RGS10: variants seen among roughly 807,000 people sequenced by gnomAD.
The protein encoded by RGS10 is regulator of G protein signaling 10, also known as regulator of G-protein signalling 10.
In RGS10, 11 loss-of-function variants were observed where a neutral mutation model predicts 23.5. The ratio of observed to expected loss-of-function variants is 0.47; its 90% CI spans 0.29 to 0.77. The LOEUF (loss-of-function observed/expected upper bound fraction) is 0.77. Among genes scored for constraint, RGS10 ranks in the 30% least tolerant of loss-of-function variants. RGS10 has a pLI of 0.08. For synonymous variants in RGS10, 77 were observed against 83.2 expected (o/e 0.92, Z 0.41); for missense variants, 180 against 226.3 (o/e 0.80, Z 1.31).
At chr10:119,500,326 A>G (rs1393863609) in intron 4 of RGS10, 67 bp from the exon 5 acceptor site, 4 of 1,412,384 alleles carry the variant, frequency 2.8e-6, no homozygotes, top group Middle Eastern at 2.3e-4. Context: ...ATCCCATCAG[A>G]TATGTATTAA....
intron 4 of RGS10, among the ~76,000 whole-genome samples, chr10:119,505,870 A>T (rs1282281669): frequency 6.6e-6 from 1 of 151,976 alleles, no homozygotes; most frequent in African/African-American, 2.4e-5. Context: ...TCTCTTCAAA[A>T]CCCTCTGCCA....
intron 3 of RGS10, among the ~76,000 whole-genome samples, chr10:119,521,732 A>C (rs1168146872): frequency 2.6e-5 from 4 of 152,024 alleles, no homozygotes; most frequent in African/African-American, 9.7e-5. Context: ...AAAAAAAAAA[A>C]AAAACAGAAC....
intron 4 of RGS10, among the ~76,000 whole-genome samples, chr10:119,503,731 G>A (rs756724950): frequency 2.6e-4 from 39 of 152,296 alleles, no homozygotes; most frequent in Non-Finnish European, 5.1e-4. Flanking sequence ...TCCTGAGGCC[G>A]CTGTCCTCGG....
intron 4 of RGS10, among the ~76,000 whole-genome samples, chr10:119,508,975 C>T (rs1452314725): frequency 7.2e-5 from 11 of 151,890 alleles, no homozygotes; most frequent in African/African-American, 2.4e-5. Flanking sequence ...GTGGCACATG[C>T]CTATAGTCCC....
chr10:119,536,372 C>T (rs118119094), intron 1 of RGS10: 13,718 of 1,210,196 alleles, frequency 0.011, 112 homozygotes, highest in Non-Finnish European at 0.015. Flanking sequence ...CCTCTGTGTC[C>T]TCACAGCACA....
intron 1 of RGS10, among the ~76,000 whole-genome samples, chr10:119,529,819 C>A (rs1031310432): frequency 3.9e-5 from 6 of 152,144 alleles, no homozygotes; most frequent in Non-Finnish European, 7.4e-5. Flanking sequence ...CAAGGCCGGG[C>A]GAGGTGGCTC....
intron 4 of RGS10, among the ~76,000 whole-genome samples, chr10:119,510,406 T>A (rs547905498): frequency 7.6e-4 from 116 of 152,208 alleles, no homozygotes; most frequent in African/African-American, 2.0e-3. Flanking sequence ...GGTCCTCTCA[T>A]CCAGATCCCG....
intron 4 of RGS10, among the ~76,000 whole-genome samples, chr10:119,503,966 A>G (rs766328099): frequency 6.6e-6 from 1 of 152,204 alleles, no homozygotes; most frequent in African/African-American, 2.4e-5. Flanking sequence ...AGTTCAGCCC[A>G]TAACAGTGAG....
chr10:119,516,106 G>A (rs1443375557), intron 3 of RGS10, among the ~76,000 whole-genome samples: 2 of 152,050 alleles, frequency 1.3e-5, no homozygotes, highest in African/African-American at 4.8e-5. Flanking sequence ...ACAAAAATTA[G>A]CCAGGCGTGG....
rs917923954 is a variant in RGS10, at chr10:119,524,891, T to C, written c.255+1141A>G. On this transcript the variant is annotated intron_variant, in intron 3 of 4. Transcript: ENST00000369103. This position sits in a 1 kb window ranked among gnomAD's most constrained non-coding sequence, Gnocchi z 5.2. ...TGCGCCATCCAGGAGGATGGGTGTC[T>C]GCGCCCGGAAAGGCCTTTGAATAAA... 3.9e-5 allele frequency among the ~76,000 whole-genome samples: 6 copies of C among 152,144 alleles called. No homozygotes were observed. The highest frequency in any genetic ancestry group is 7.3e-5 in the Non-Finnish European group (5 of 68,038).
At position 119,538,502 on chromosome 10, in the gene RGS10, G is replaced by A. The variant is rs1054458927; in HGVS notation, c.49+4088C>T. Among the ~76,000 whole-genome samples the A allele has an allele frequency of 2.6e-5, 4 of 152,204 alleles. No individual in the cohort carries two copies. The highest frequency in any genetic ancestry group is 9.7e-5 in the African/African-American group (4 of 41,446). ...TTGGGACAGGACAAAGGACAGCTGGGGGAGCAAAGGCACAGAGGGAGTATT... is the reference window on the plus strand; with the variant it reads ...TTGGGACAGGACAAAGGACAGCTGGAGGAGCAAAGGCACAGAGGGAGTATT... On this transcript the variant is annotated intron_variant, in intron 1 of 4. Coordinates refer to ENST00000369103, the MANE Select transcript of RGS10 (RefSeq NM_001005339.2). The surrounding 1 kb of genome is among the most constrained non-coding windows in gnomAD (Gnocchi z 4.5).
intron 1 of RGS10, among the ~76,000 whole-genome samples, chr10:119,537,876 A>C (rs1442829909): frequency 6.6e-6 from 1 of 152,212 alleles, no homozygotes; most frequent in Non-Finnish European, 1.5e-5. Flanking sequence ...CGTGGGGCAC[A>C]GTGCAGGACA....
intron 1 of RGS10, among the ~76,000 whole-genome samples, chr10:119,534,952 A>C (rs113527637): frequency 2.0e-5 from 3 of 152,182 alleles, no homozygotes; most frequent in Non-Finnish European, 4.4e-5. Context: ...TACCGTTCCA[A>C]GCTTTTACCT....
intron 1 of RGS10, among the ~76,000 whole-genome samples, chr10:119,533,665 G>A (rs1427507632): frequency 6.6e-6 from 1 of 152,128 alleles, no homozygotes; most frequent in Non-Finnish European, 1.5e-5. Context: ...ATGAATAGGT[G>A]GAAAAAATGT....
In RGS10 at chr10:119,527,452, G is replaced by A. The variant is rs760670921; in HGVS notation, c.50-28C>T. 2.6e-6 allele frequency: 4 copies of A among 1,532,778 alleles called. No homozygotes were observed. The highest frequency in any genetic ancestry group is 1.4e-5 in the African/African-American group (1 of 73,402). The allele number at this position is 1,532,778 out of a possible 1,614,324, so 94.9% of individuals were successfully genotyped here. On this transcript the variant is annotated intron_variant, in intron 1 of 4. Coordinates refer to ENST00000369103, the MANE Select transcript of RGS10 (RefSeq NM_001005339.2). The surrounding 1 kb of genome is among the most constrained non-coding windows in gnomAD (Gnocchi z 4.2). ...GCAAAGCAAAGTTCAGACTGCATATGTGGCCAACAGACACTGTCATTTTAA... is the reference window on the plus strand; with the variant it reads ...GCAAAGCAAAGTTCAGACTGCATATATGGCCAACAGACACTGTCATTTTAA...
rs183225463 is a variant in RGS10 at position 119,512,981 on chromosome 10, C to T, written c.399+2528G>A. On this transcript the variant is annotated intron_variant, in intron 4 of 4. Transcript: ENST00000369103. The stretch of plus-strand genomic sequence containing the variant: ...CTTATTAGGCCACATCTGTTAGGGG[C>T]ATGTGCATATGTGTATTTATAGAAA... Among the ~76,000 whole-genome samples, 382 of 152,224 alleles carry T rather than the reference C, an allele frequency of 2.5e-3. 1 individual carries two copies. Among genetic ancestry groups the T allele is most frequent in the African/African-American group, 8.9e-3 (368 of 41,536 alleles).
chr10:119,536,597 C>T (rs1844391696), intron 1 of RGS10: 1 of 1,158,740 alleles, frequency 8.6e-7, no homozygotes, highest in African/African-American at 1.6e-5. Flanking sequence ...AAAAAACAAG[C>T]CTCAACATCC....
intron 1 of RGS10, among the ~76,000 whole-genome samples, chr10:119,541,596 C>T (rs1844435605): frequency 6.6e-6 from 1 of 152,100 alleles, no homozygotes; most frequent in Non-Finnish European, 1.5e-5. Flanking sequence ...TCATAAAATA[C>T]CAGGAGCAGA....
Position 119,517,789 on chromosome 10 carries a change from G to A in RGS10, c.256-2137C>T, listed in dbSNP as rs1050401420. On this transcript the variant is annotated intron_variant, in intron 3 of 4. Coordinates refer to ENST00000369103, the MANE Select transcript of RGS10 (RefSeq NM_001005339.2). The surrounding 1 kb of genome is among the most constrained non-coding windows in gnomAD (Gnocchi z 5.0). ...GAATGGCTTGAGTCTTTGAGGTGGG[G>A]CAGAAGAGGCCGGGGGAGAGGAAGT... Among the ~76,000 whole-genome samples, 1 of 152,232 alleles carries A rather than the reference G, an allele frequency of 6.6e-6. No individual in the cohort carries two copies. The highest frequency in any genetic ancestry group is 2.4e-5 in the African/African-American group (1 of 41,456).
Sources: gnomAD v4.1 joint callset for allele counts (sites outside exome capture counted in the v4.1 genomes callset) on GRCh38, gnomAD v4.1.1 for gene constraint, Gnocchi (gnomAD v3.1) non-coding constraint, MANE v1.5 for transcripts, NCBI Gene and HGNC (gene_info 2026-07-23, HGNC 2026-07-21) for gene names.